H2AZ2: variants seen among roughly 807,000 people sequenced by gnomAD.
H2AZ2 encodes H2A.Z variant histone 2.
Under a neutral mutation model 15.5 loss-of-function variants are expected in H2AZ2, and 5 were observed. That is an observed-to-expected ratio of 0.32 (90% CI 0.17 to 0.68). H2AZ2 has a LOEUF of 0.68. H2AZ2 is among the 30% of genes least tolerant of loss of function. The pLI, the probability that H2AZ2 is intolerant of heterozygous loss-of-function variation, is 0.72. For synonymous variants in H2AZ2, 44 were observed against 57.4 expected, an observed-to-expected ratio of 0.77 and a Z score of 1.05; for missense variants, 42 against 162.5, an observed-to-expected ratio of 0.26 and a Z score of 4.03.
At chr7:44,831,531 C>G (rs889316255), downstream of H2AZ2, among the ~76,000 whole-genome samples, 2 of 138,844 alleles carry the variant, frequency 1.4e-5, no homozygotes, top group Non-Finnish European at 1.6e-5. Context: ...ATATTGCACT[C>G]CCCCCCCCGC....
At chr7:44,843,220 G>A in intron 2 of H2AZ2, 57 bp downstream of exon 2, 1 of 883,930 alleles carries the variant, frequency 1.1e-6, no homozygotes, top group East Asian at 3.8e-5. Context: ...TGAAACATAG[G>A]TCATAAATTA....
chr7:44,827,214 A>C (rs1302262887), downstream of H2AZ2: 7 of 152,268 alleles, frequency 4.6e-5, no homozygotes, highest in Non-Finnish European at 1.0e-4. Context: ...CTAATTACAG[A>C]GTTTACAAAT....
intron 4 of H2AZ2, 60 bp downstream of exon 4, chr7:44,835,469 C>G (rs969378580): frequency 9.7e-6 from 14 of 1,436,962 alleles, no homozygotes; most frequent in Middle Eastern, 3.7e-4. Context: ...TATCATTGAT[C>G]TGAACGATAT....
At chr7:44,847,431 T>C (rs1793438292) in intron 1 of H2AZ2, among the ~76,000 whole-genome samples, 2 of 152,202 alleles carry the variant, frequency 1.3e-5, no homozygotes. Context: ...ATTTCTAACC[T>C]GTGCAATCAC....
In H2AZ2 at chr7:44,832,795, A is replaced by G. The variant is rs1406028167; in HGVS notation, c.*1706T>C. 1.3e-5 allele frequency among the ~76,000 whole-genome samples: 2 copies of G among 151,986 alleles called. No homozygotes were observed. The highest frequency in any genetic ancestry group is 4.8e-5 in the African/African-American group (2 of 41,388). ...AGACCTCTGTCTCTTACATAAATAA[A>G]AAAAATTAGCCAGGTATGGTGGCAT... On this transcript the variant is annotated 3_prime_UTR_variant, in exon 5 of 5. Coordinates refer to ENST00000308153, the MANE Select transcript of H2AZ2 (RefSeq NM_012412.5).
rs1270170241 is a variant in H2AZ2 at position 44,843,358 on chromosome 7, A to C, written c.4-4T>G. On this transcript the variant is annotated splice_polypyrimidine_tract_variant and splice_region_variant and intron_variant, in intron 1 of 4. Coordinates refer to ENST00000308153, the MANE Select transcript of H2AZ2 (RefSeq NM_012412.5). ...CCTTTCCAGCTTTGCCTCCAGCCTA[A>C]ATGCAAAAAAAAATTTTTTTGAATG... 3.7e-6 allele frequency: 6 copies of C among 1,605,164 alleles called. No individual in the cohort carries two copies. Among genetic ancestry groups the C allele is most frequent in the Non-Finnish European group, 4.2e-6 (5 of 1,176,578 alleles).
In H2AZ2 at chr7:44,834,414, G is replaced by A; in HGVS notation, c.*87C>T. On this transcript the variant is annotated 3_prime_UTR_variant, in exon 5 of 5. Coordinates refer to ENST00000308153, the MANE Select transcript of H2AZ2 (RefSeq NM_012412.5). ...GTCTATGCTTTTCCATTTAACTGTTGTTAAAAATTCCACATATCCCCATTA... is the reference window on the plus strand; with the variant it reads ...GTCTATGCTTTTCCATTTAACTGTTATTAAAAATTCCACATATCCCCATTA... 6.6e-7 allele frequency: 1 copy of A among 1,508,306 alleles called. No individual in the cohort carries two copies. The highest frequency in any genetic ancestry group is 8.9e-7 in the Non-Finnish European group (1 of 1,118,856). The allele number at this position is 1,508,306 out of a possible 1,614,324, so 93.4% of individuals were successfully genotyped here.
At chr7:44,840,002 A>AAAATAAATAAATAAAT (rs149563809) in intron 3 of H2AZ2, among the ~76,000 whole-genome samples, 3 of 141,956 alleles carry the variant, frequency 2.1e-5, no homozygotes, top group East Asian at 2.1e-4. Flanking sequence ...ACCCTGTCTC[A>AAAATAAATAAATAAAT]AAATAAATAA....
intron 3 of H2AZ2, 28 bp downstream of exon 3, chr7:44,840,871 C>T (rs2117037867): frequency 2.0e-6 from 3 of 1,484,522 alleles, no homozygotes; most frequent in East Asian, 4.5e-5. Context: ...TCTGGATGGC[C>T]ATATACAACA....
chr7:44,841,249 C>T (rs146182342), intron 2 of H2AZ2, among the ~76,000 whole-genome samples: 217 of 152,244 alleles, frequency 1.4e-3, no homozygotes, highest in Admixed American at 2.2e-3. Flanking sequence ...AGAAATACCA[C>T]GCTGGGCTGT....
chr7:44,837,439 A>G (rs1454816846), intron 3 of H2AZ2, among the ~76,000 whole-genome samples: 4 of 150,384 alleles, frequency 2.7e-5, no homozygotes, highest in South Asian at 2.1e-4. Context: ...AAAAGAAAAA[A>G]AAAAAAAAAA....
intron 1 of H2AZ2, among the ~76,000 whole-genome samples, chr7:44,845,813 C>G (rs1793383585): frequency 1.3e-5 from 2 of 152,198 alleles, no homozygotes; most frequent in South Asian, 4.1e-4. Context: ...CAAAAGAAAA[C>G]TTTTATGGTA....
chr7:44,835,369 G>T, intron 4 of H2AZ2, 160 bp downstream of exon 4: 3 of 513,264 alleles, frequency 5.8e-6, no homozygotes, highest in South Asian at 5.2e-5. Flanking sequence ...TATTTATTCA[G>T]ATCATTATGA....
At chr7:44,843,846 C>T (rs1793335944) in intron 1 of H2AZ2, among the ~76,000 whole-genome samples, 1 of 152,190 alleles carries the variant, frequency 6.6e-6, no homozygotes, top group Non-Finnish European at 1.5e-5. Context: ...GCATAAGCCA[C>T]AGTGCCAGGC....
chr7:44,842,457 C>T (rs1004377776), intron 2 of H2AZ2, among the ~76,000 whole-genome samples: 1 of 152,148 alleles, frequency 6.6e-6, no homozygotes, highest in Non-Finnish European at 1.5e-5. Context: ...TTTAAATTTA[C>T]TCATAACTTG....
At position 44,834,821 on chromosome 7, in the gene H2AZ2, G is replaced by A. The variant is rs1377028612; in HGVS notation, c.326-259C>T. On this transcript the variant is annotated intron_variant, in intron 4 of 4. Transcript: ENST00000308153. ...TTTTTTTTTGAGATGGCCTCACTTT[G>A]TCGCCAATGCTGGGGTGCAGTGGTG... 1.2e-5 allele frequency: 3 copies of A among 245,744 alleles called. No individual in the cohort carries two copies. In the South Asian group the frequency reaches 1.8e-4, roughly 15 times the overall value. 15.2% of individuals were successfully genotyped at this position (245,744 alleles called of 1,614,324 possible).
downstream of H2AZ2, chr7:44,827,112 G>C (rs556258520): frequency 6.6e-6 from 1 of 152,228 alleles, no homozygotes; most frequent in South Asian, 2.1e-4. Flanking sequence ...AAAAAAGTGT[G>C]GGAATCACCT....
downstream of H2AZ2, chr7:44,829,947 ATTACT>A (rs556915152): frequency 1.4e-3 from 717 of 502,494 alleles, 5 homozygotes; most frequent in African/African-American, 0.01. Context: ...GCGCTCTGAA[ATTACT>A]TTAAATCAAA....
chr7:44,843,458 A>AATATG, intron 1 of H2AZ2, 104 bp from the exon 2 acceptor site: 1 of 683,352 alleles, frequency 1.5e-6, no homozygotes, highest in Non-Finnish European at 2.6e-6. Flanking sequence ...GGTAGTTAAC[A>AATATG]ATATGTAGGT....
Sources: gnomAD v4.1 joint callset for allele counts (sites outside exome capture counted in the v4.1 genomes callset) on GRCh38, gnomAD v4.1.1 for gene constraint, MANE v1.5 for transcripts, NCBI Gene and HGNC (gene_info 2026-07-23, HGNC 2026-07-21) for gene names.